The following GDAP2 variants were observed in gnomAD, a reference collection of about 807,000 sequenced individuals.
GDAP2 encodes ganglioside-induced differentiation-associated protein 2.
GDAP2 carries 51 observed loss-of-function variants against 67.0 expected under a neutral mutation model. The ratio of observed to expected loss-of-function variants is 0.76; its 90% CI spans 0.61 to 0.96. The LOEUF is 0.96. Among genes scored for constraint, GDAP2 ranks in the 40% least tolerant of loss-of-function variants. The pLI is 0.00. For synonymous variants in GDAP2, 203 were observed against 207.3 expected, an observed-to-expected ratio of 0.98 and a Z score of 0.18; for missense variants, 547 against 588.3, an observed-to-expected ratio of 0.93 and a Z score of 0.73.
chr1:117,873,553 T>A (rs1381868373), intron 13 of GDAP2, among the ~76,000 whole-genome samples: 1 of 152,174 alleles, frequency 6.6e-6, no homozygotes. Flanking sequence ...TAGTTTTAAT[T>A]CTTCCTAACA....
chr1:117,872,493 T>A (rs757511000), intron 13 of GDAP2, among the ~76,000 whole-genome samples: 3 of 152,114 alleles, frequency 2.0e-5, no homozygotes, highest in African/African-American at 7.2e-5. Flanking sequence ...ATATATGCCA[T>A]GGAATACTAT....
chr1:117,896,884 A>T lies in GDAP2; in HGVS notation c.902T>A (p.Ile301Asn). Residue 301 changes from isoleucine to asparagine, a missense_variant, in exon 8 of 14, where the codon ATC becomes AAC. Coordinates refer to ENST00000369443, the MANE Select transcript of GDAP2 (RefSeq NM_017686.4). ...TGCCTCTGATAATTGTCCCTGAAGG[A>T]TCAGTTTTCTTTGCTTGTCAATATC... is the stretch of plus-strand genomic sequence containing the variant. The part of the protein sequence containing the change: ...EGDIDKQRKL[I>N]LQGQLSEAAL... The T allele has an allele frequency of 1.2e-6, 2 of 1,613,364 alleles. No individual in the cohort carries two copies. The highest frequency in any genetic ancestry group is 1.7e-6 in the Non-Finnish European group (2 of 1,179,504).
At chr1:117,878,512 T>C (rs1256229574) in intron 12 of GDAP2, among the ~76,000 whole-genome samples, 1 of 152,224 alleles carries the variant, frequency 6.6e-6, no homozygotes, top group African/African-American at 2.4e-5. Context: ...GAATAATTGG[T>C]GTTCCAGTCT....
At chr1:117,921,850 T>C (rs1425957813) in intron 1 of GDAP2, among the ~76,000 whole-genome samples, 1 of 152,128 alleles carries the variant, frequency 6.6e-6, no homozygotes, top group East Asian at 1.9e-4. Flanking sequence ...GAGATGGTAG[T>C]GATGAGAAAT....
At chr1:117,896,721 A>G (rs1649276355) in intron 8 of GDAP2, 112 bp downstream of exon 8, 1 of 665,606 alleles carries the variant, frequency 1.5e-6, no homozygotes, top group Admixed American at 3.0e-5. Flanking sequence ...GATTGTCATG[A>G]AAAATAAATT....
In GDAP2 at chr1:117,865,237, A is replaced by T. The variant is rs1456940270; in HGVS notation, c.*5332T>A. On this transcript the variant is annotated 3_prime_UTR_variant, in exon 14 of 14. Transcript: ENST00000369443. ...TGGTAATTAGAGAAAGACCTCATGTAAATGGTCAAAAAATAATGTCCCATC... is the reference window on the plus strand; with the variant it reads ...TGGTAATTAGAGAAAGACCTCATGTTAATGGTCAAAAAATAATGTCCCATC... 1.3e-5 allele frequency: 2 copies of T among 152,216 alleles called. No individual in the cohort carries two copies. Among genetic ancestry groups the T allele is most frequent in the African/African-American group, 4.8e-5 (2 of 41,444 alleles). 9.4% of individuals were successfully genotyped at this position (152,216 alleles called of 1,614,324 possible).
At chr1:117,899,428 T>C (rs1480260446) in intron 6 of GDAP2, among the ~76,000 whole-genome samples, 3 of 152,184 alleles carry the variant, frequency 2.0e-5, no homozygotes, top group African/African-American at 7.2e-5. Context: ...TTAAATGTGA[T>C]GCCCATCCTA....
chr1:117,879,686 A>T (rs547782960), intron 12 of GDAP2, among the ~76,000 whole-genome samples: 1 of 152,208 alleles, frequency 6.6e-6, no homozygotes, highest in African/African-American at 2.4e-5. Context: ...TGATAAATTG[A>T]TAACTGGTAG....
At chr1:117,884,813 C>CGTGTGTGTGT (rs35296112) in intron 10 of GDAP2, among the ~76,000 whole-genome samples, 2,682 of 147,916 alleles carry the variant, frequency 0.018, 73 homozygotes, top group African/African-American at 0.061. Flanking sequence ...TTATTCCCTC[C>CGTGTGTGTGT]GTGTGTGTGT....
At chr1:117,899,294 T>C (rs1347885723) in intron 6 of GDAP2, 78 bp from the exon 7 acceptor site, 17 of 958,982 alleles carry the variant, frequency 1.8e-5, no homozygotes, top group South Asian at 1.4e-5. Flanking sequence ...GTGCTGTTCA[T>C]ACACTGTGAA....
At chr1:117,882,151 AATTTATGGTGTGTC>A (rs1324546662) in intron 11 of GDAP2, among the ~76,000 whole-genome samples, 2 of 152,098 alleles carry the variant, frequency 1.3e-5, no homozygotes, top group Non-Finnish European at 2.9e-5. Flanking sequence ...TTAAGAAACA[AATTTATGGTGTGTC>A]ATTTTTTAAT....
At chr1:117,888,859 TAA>T in intron 8 of GDAP2, among the ~76,000 whole-genome samples, 1 of 152,248 alleles carries the variant, frequency 6.6e-6, no homozygotes, top group Middle Eastern at 3.4e-3. Context: ...CTTTCAGCTA[TAA>T]AGTACAATTG....
chr1:117,870,735 G>C lies in GDAP2; in HGVS notation c.1447-119C>G, dbSNP rs570204970. 4.4e-5 allele frequency: 33 copies of C among 742,802 alleles called. No homozygotes were observed. In the African/African-American group the frequency reaches 5.6e-4, roughly 13 times the overall value. 46.0% of individuals were successfully genotyped at this position (742,802 alleles called of 1,614,324 possible). ...ATATAAAATGTCTAGCACATGTCTGGCACTAAGCAGGCCCTCAGCCATTAG... is the reference window on the plus strand; with the variant it reads ...ATATAAAATGTCTAGCACATGTCTGCCACTAAGCAGGCCCTCAGCCATTAG... On this transcript the variant is annotated intron_variant, in intron 13 of 13. Coordinates refer to ENST00000369443, the MANE Select transcript of GDAP2 (RefSeq NM_017686.4).
At chr1:117,898,268 C>G (rs893930807) in intron 7 of GDAP2, among the ~76,000 whole-genome samples, 9 of 152,204 alleles carry the variant, frequency 5.9e-5, no homozygotes, top group African/African-American at 2.2e-4. Context: ...ACTGGAGGCT[C>G]ACCCAAAGTG....
rs989803424 is a variant in GDAP2 at position 117,868,318 on chromosome 1, T to G, written c.*2251A>C. ...TTCAGTGAGAAGAGTGGTCCTTATCTTTCTTTAGTCATCATTGAATTATAA... is the reference window on the plus strand; with the variant it reads ...TTCAGTGAGAAGAGTGGTCCTTATCGTTCTTTAGTCATCATTGAATTATAA... On this transcript the variant is annotated 3_prime_UTR_variant, in exon 14 of 14. Coordinates refer to ENST00000369443, the MANE Select transcript of GDAP2 (RefSeq NM_017686.4). 2 of 152,230 alleles carry G rather than the reference T, an allele frequency of 1.3e-5. No individual in the cohort carries two copies. The highest frequency in any genetic ancestry group is 6.5e-5 in the Admixed American group (1 of 15,270). The allele number at this position is 152,230 out of a possible 1,614,324, so 9.4% of individuals were successfully genotyped here.
chr1:117,887,945 T>A (rs1184227349), intron 8 of GDAP2, among the ~76,000 whole-genome samples, 171 bp from the exon 9 acceptor site: 3 of 152,118 alleles, frequency 2.0e-5, no homozygotes, highest in African/African-American at 7.2e-5. Context: ...CTACTACATG[T>A]TATTGATAAA....
At chr1:117,886,096 C>A (rs937643274) in intron 10 of GDAP2, among the ~76,000 whole-genome samples, 2 of 152,036 alleles carry the variant, frequency 1.3e-5, no homozygotes, top group Non-Finnish European at 2.9e-5. Context: ...TGAATATTTT[C>A]TTATTTTTAT....
At chr1:117,885,793 G>A (rs967467781) in intron 10 of GDAP2, among the ~76,000 whole-genome samples, 2 of 152,062 alleles carry the variant, frequency 1.3e-5, no homozygotes, top group Non-Finnish European at 2.9e-5. Context: ...TTACTGATCA[G>A]TTAAAGTTAT....
At chr1:117,908,055 C>T (rs1046872245) in intron 5 of GDAP2, among the ~76,000 whole-genome samples, 1 of 151,892 alleles carries the variant, frequency 6.6e-6, no homozygotes, top group African/African-American at 2.4e-5. Context: ...CCTGCCTCTG[C>T]TTGCATGTGC....
Sources: gnomAD v4.1 joint callset for allele counts (sites outside exome capture counted in the v4.1 genomes callset) on GRCh38, gnomAD v4.1.1 for gene constraint, MANE v1.5 for transcripts, NCBI Gene and HGNC (gene_info 2026-07-23, HGNC 2026-07-21) for gene names.